Variants in BMP6 observed in about 807,000 individuals in gnomAD.
The protein encoded by BMP6 is bone morphogenetic protein 6, also known as VG-1-R.
A neutral mutation model predicts 54.1 loss-of-function variants in BMP6; 17 were observed. The ratio of observed to expected loss-of-function variants is 0.31; its 90% CI spans 0.22 to 0.47. BMP6 has a LOEUF of 0.47. Among genes scored for constraint, BMP6 ranks in the 20% least tolerant of loss-of-function variants. The pLI, the probability that BMP6 is intolerant of heterozygous loss-of-function variation, is 1.00. For missense variants in BMP6, 720 were observed against 690.4 expected, an observed-to-expected ratio of 1.04 and a Z score of -0.48; for synonymous variants, 328 against 291.2, an observed-to-expected ratio of 1.13 and a Z score of -1.28.
intron 1 of BMP6, among the ~76,000 whole-genome samples, chr6:7,738,587 G>A (rs1210693632): frequency 6.6e-6 from 1 of 152,182 alleles, no homozygotes; most frequent in Non-Finnish European, 1.5e-5. Flanking sequence ...CTTGCAGAAG[G>A]TTCTCTGTTC....
chr6:7,791,488 T>C (rs1218866168), intron 1 of BMP6, among the ~76,000 whole-genome samples: 1 of 152,136 alleles, frequency 6.6e-6, no homozygotes, highest in Non-Finnish European at 1.5e-5. Flanking sequence ...TTTCAGGCAC[T>C]GTCCTTGGCC....
chr6:7,757,087 T>C (rs1757525974), intron 1 of BMP6, among the ~76,000 whole-genome samples: 1 of 152,202 alleles, frequency 6.6e-6, no homozygotes, highest in South Asian at 2.1e-4. Flanking sequence ...AACTCCAATC[T>C]CTGTCTTCTA....
chr6:7,807,491 G>A (rs571031936), intron 1 of BMP6, among the ~76,000 whole-genome samples: 1 of 152,234 alleles, frequency 6.6e-6, no homozygotes, highest in South Asian at 2.1e-4. Context: ...ATGTTGGCCA[G>A]ACTGGTCTCG....
At chr6:7,877,427 G>C (rs1759638220) in intron 4 of BMP6, among the ~76,000 whole-genome samples, 1 of 152,048 alleles carries the variant, frequency 6.6e-6, no homozygotes, top group Non-Finnish European at 1.5e-5. Context: ...TTCGAGACCA[G>C]CCTGGCCAAT....
chr6:7,851,791 T>C (rs965216297), intron 2 of BMP6, among the ~76,000 whole-genome samples: 1 of 152,142 alleles, frequency 6.6e-6, no homozygotes, highest in Non-Finnish European at 1.5e-5. Flanking sequence ...TGGGCATGGA[T>C]TTATCAAATG....
At chr6:7,785,988 CTA>C (rs1758013708) in intron 1 of BMP6, among the ~76,000 whole-genome samples, 1 of 152,142 alleles carries the variant, frequency 6.6e-6, no homozygotes, top group Non-Finnish European at 1.5e-5. Context: ...GCCAGAGAAA[CTA>C]TGCAGAATGT....
Position 7,833,052 on chromosome 6 carries a change from G to A in BMP6, c.665-12088G>A, listed in dbSNP as rs551355197. On this transcript the variant is annotated intron_variant, in intron 1 of 6. Transcript: ENST00000283147. ...AGCTGCAGTGTGGAGAGAGTGGATGGACATGGGGCAAAATGCGAGGCAGTG... is the reference window on the plus strand; with the variant it reads ...AGCTGCAGTGTGGAGAGAGTGGATGAACATGGGGCAAAATGCGAGGCAGTG... Among the ~76,000 whole-genome samples the A allele has an allele frequency of 2.6e-5, 4 of 152,084 alleles. No individual in the cohort carries two copies. In the South Asian group the frequency reaches 8.3e-4, roughly 32 times the overall value.
intron 1 of BMP6, among the ~76,000 whole-genome samples, chr6:7,808,882 C>G (rs1374226344): frequency 6.8e-6 from 1 of 146,710 alleles, no homozygotes; most frequent in Non-Finnish European, 1.5e-5. Context: ...GAACTGCACT[C>G]CAGCCTGGGC....
intron 1 of BMP6, among the ~76,000 whole-genome samples, chr6:7,821,886 C>T (rs1390413157): frequency 1.3e-5 from 2 of 152,230 alleles, no homozygotes; most frequent in South Asian, 2.1e-4. Flanking sequence ...TTTGGCTGTT[C>T]GGAATGTGAA....
intron 1 of BMP6, among the ~76,000 whole-genome samples, chr6:7,803,262 G>T (rs1247117574): frequency 6.6e-6 from 1 of 152,136 alleles, no homozygotes; most frequent in East Asian, 1.9e-4. Context: ...GGACAGGTTG[G>T]GGAGGGAGGT....
intron 2 of BMP6, among the ~76,000 whole-genome samples, chr6:7,856,610 T>TTTTTTTTTTTTTTTTTTTTTTTTTTG: frequency 1.6e-5 from 2 of 122,202 alleles, no homozygotes; most frequent in South Asian, 2.6e-4. Context: ...TTTTTTTTTT[T>TTTTTTTTTTTTTTTTTTTTTTTTTTG]TTTTGAGACG....
chr6:7,799,312 A>G (rs1465744967), intron 1 of BMP6, among the ~76,000 whole-genome samples: 2 of 152,222 alleles, frequency 1.3e-5, no homozygotes, highest in African/African-American at 4.8e-5. Flanking sequence ...ATCTCAGCCA[A>G]TCAAAGTAGG....
chr6:7,810,376 G>T (rs1561779167), intron 1 of BMP6, among the ~76,000 whole-genome samples: 1 of 152,194 alleles, frequency 6.6e-6, no homozygotes, highest in Admixed American at 6.5e-5. Context: ...GCTCACTGAG[G>T]CCCAGTAATC....
chr6:7,815,320 G>A (rs1758508681), intron 1 of BMP6, among the ~76,000 whole-genome samples: 1 of 152,210 alleles, frequency 6.6e-6, no homozygotes, highest in African/African-American at 2.4e-5. Context: ...ATAGCAGGGT[G>A]ACTAAGAGCA....
At position 7,880,416 on chromosome 6, in the gene BMP6, A is replaced by G. The variant is rs544279994; in HGVS notation, c.*73A>G. 1 of 1,585,084 alleles carries G rather than the reference A, an allele frequency of 6.3e-7. No individual in the cohort carries two copies. Among genetic ancestry groups the G allele is most frequent in the South Asian group, 1.1e-5 (1 of 89,320 alleles). On this transcript the variant is annotated 3_prime_UTR_variant, in exon 7 of 7. Transcript: ENST00000283147. ...TTACATCTGCCTTAAAAAAACACGG[A>G]AGCACAGTTGGAGGTGGGACGATGA...
rs745822370 is a variant in BMP6 at position 7,727,432 on chromosome 6, G to A, written c.477G>A (p.Gln159=). 1 of 1,605,476 alleles carries A rather than the reference G, an allele frequency of 6.2e-7. No homozygotes were observed. The highest frequency in any genetic ancestry group is 1.7e-5 in the Admixed American group (1 of 59,478). ...GGGCGTCGGAGGGGGAGAGGCAGCA[G>A]TCCTGGCCCCACGAAGCAGCCAGCT... ...EDGASEGERQ[Q]SWPHEAASSS... Residue 159 remains glutamine, a synonymous_variant, in exon 1 of 7, where the codon CAG becomes CAA. Coordinates refer to ENST00000283147, the MANE Select transcript of BMP6 (RefSeq NM_001718.6).
At chr6:7,732,543 C>T (rs1490502017) in intron 1 of BMP6, among the ~76,000 whole-genome samples, 1 of 152,206 alleles carries the variant, frequency 6.6e-6, no homozygotes, top group Non-Finnish European at 1.5e-5. Context: ...TGTTTAAATA[C>T]AAAAACAATG....
intron 1 of BMP6, among the ~76,000 whole-genome samples, chr6:7,813,479 A>C (rs1581258868): frequency 6.9e-6 from 1 of 145,814 alleles, no homozygotes; most frequent in Admixed American, 6.8e-5. Context: ...AAAAAAAAAA[A>C]AACTATTTAA....
intron 4 of BMP6, among the ~76,000 whole-genome samples, chr6:7,870,637 A>G (rs779191684): frequency 2.6e-5 from 4 of 151,732 alleles, no homozygotes; most frequent in Non-Finnish European, 4.4e-5. Flanking sequence ...AAACAACAAC[A>G]ACAACAAAAA....
Sources: gnomAD v4.1 joint callset for allele counts (sites outside exome capture counted in the v4.1 genomes callset) on GRCh38, gnomAD v4.1.1 for gene constraint, MANE v1.5 for transcripts, NCBI Gene and HGNC (gene_info 2026-07-23, HGNC 2026-07-21) for gene names.